The following ZBTB16 variants were observed in gnomAD, a reference collection of about 807,000 sequenced individuals.
ZBTB16 encodes the protein zinc finger and BTB domain containing 16, also known as zinc finger and BTB domain-containing protein 16.
Under a neutral mutation model 56.8 loss-of-function variants are expected in ZBTB16, and 8 were observed. The ratio of observed to expected loss-of-function variants is 0.14; its 90% CI spans 0.08 to 0.25. ZBTB16 has a LOEUF of 0.25. ZBTB16 is among the 10% of genes least tolerant of loss of function. The probability of loss-of-function intolerance (pLI) is 1.00; values close to 1 mark genes in which losing one functional copy is unlikely to be tolerated. For synonymous variants in ZBTB16, 363 were observed against 368.5 expected (o/e 0.98, Z 0.17); for missense variants, 625 against 903.0 (o/e 0.69, Z 3.95).
chr11:114,226,020 C>T (rs1246209797), intron 4 of ZBTB16, among the ~76,000 whole-genome samples: 2 of 152,170 alleles, frequency 1.3e-5, no homozygotes, highest in Non-Finnish European at 2.9e-5. Context: ...AGAATTTGAA[C>T]CCAGGTGTGG....
chr11:114,108,745 G>A (rs1009656696), intron 2 of ZBTB16, among the ~76,000 whole-genome samples: 7 of 152,302 alleles, frequency 4.6e-5, no homozygotes, highest in South Asian at 2.1e-4. Context: ...TGGCATTACC[G>A]ATGAGAAACT....
At chr11:114,135,684 A>G (rs1196217112) in intron 2 of ZBTB16, among the ~76,000 whole-genome samples, 2 of 152,170 alleles carry the variant, frequency 1.3e-5, no homozygotes, top group African/African-American at 4.8e-5. Context: ...CAGAACTATA[A>G]GATACATTTG....
At chr11:114,086,481 G>A (rs570249991) in intron 2 of ZBTB16, among the ~76,000 whole-genome samples, 2 of 152,188 alleles carry the variant, frequency 1.3e-5, no homozygotes, top group African/African-American at 2.4e-5. Flanking sequence ...CCTCGTTTGA[G>A]TTTAAGTTTT....
chr11:114,217,643 C>A (rs1169463752), intron 4 of ZBTB16, among the ~76,000 whole-genome samples: 7 of 152,222 alleles, frequency 4.6e-5, no homozygotes, highest in Admixed American at 3.3e-4. Flanking sequence ...ATTTTGTGCC[C>A]AGAAGAGAAG....
intron 2 of ZBTB16, among the ~76,000 whole-genome samples, chr11:114,125,074 C>G (rs1941468977): frequency 6.6e-6 from 1 of 151,932 alleles, no homozygotes; most frequent in South Asian, 2.1e-4. Context: ...CCTCATCTGC[C>G]TGTTTTCCTT....
intron 2 of ZBTB16, among the ~76,000 whole-genome samples, chr11:114,154,968 C>T (rs1233636800): frequency 6.6e-6 from 1 of 152,208 alleles, no homozygotes; most frequent in Non-Finnish European, 1.5e-5. Context: ...GGTCTTGACA[C>T]ACTGCTGGGT....
chr11:114,129,116 T>C (rs1002950321), intron 2 of ZBTB16, among the ~76,000 whole-genome samples: 3 of 152,198 alleles, frequency 2.0e-5, no homozygotes, highest in South Asian at 2.1e-4. Flanking sequence ...AGGTACAATT[T>C]TGTCTTCAGC....
At chr11:114,207,545 A>AATT (rs1362538092) in intron 4 of ZBTB16, among the ~76,000 whole-genome samples, 1 of 149,588 alleles carries the variant, frequency 6.7e-6, no homozygotes, top group Non-Finnish European at 1.5e-5. Flanking sequence ...ATCTTCCACT[A>AATT]ACCCCCACAC....
chr11:114,148,393 T>C (rs866082041), intron 2 of ZBTB16, among the ~76,000 whole-genome samples: 352 of 27,318 alleles, frequency 0.013, 2 homozygotes, highest in South Asian at 0.026. Context: ...TCCTTCCTCC[T>C]TCCCTCCCTC....
At chr11:114,245,021 G>A (rs1386405730) in intron 5 of ZBTB16, among the ~76,000 whole-genome samples, 1 of 152,228 alleles carries the variant, frequency 6.6e-6, no homozygotes, top group Non-Finnish European at 1.5e-5. Flanking sequence ...TCAGTAAGGA[G>A]GGGGAGTTGG....
rs762423209 is a variant in ZBTB16, at chr11:114,254,500, C to G, written c.*3945C>G. 2.0e-5 allele frequency among the ~76,000 whole-genome samples: 3 copies of G among 152,210 alleles called. No individual in the cohort carries two copies. The highest frequency in any genetic ancestry group is 2.9e-5 in the Non-Finnish European group (2 of 68,036). On this transcript the variant is annotated 3_prime_UTR_variant, in exon 7 of 7. Coordinates refer to ENST00000335953, the MANE Select transcript of ZBTB16 (RefSeq NM_006006.6). ...GATGGAAGAGGGCCATTGAGCTTAC[C>G]TCCCTATAGGGGAGAGAGCAGAGGT...
chr11:114,114,237 A>G (rs1302819304), intron 2 of ZBTB16, among the ~76,000 whole-genome samples: 1 of 152,238 alleles, frequency 6.6e-6, no homozygotes, highest in Admixed American at 6.5e-5. Context: ...ATGTCTGTTG[A>G]AAGACAGAAT....
intron 5 of ZBTB16, among the ~76,000 whole-genome samples, chr11:114,245,725 G>A (rs1270705319): frequency 7.2e-5 from 11 of 152,138 alleles, no homozygotes; most frequent in Admixed American, 7.2e-4. Context: ...GGTCATTGTG[G>A]ATGACTTAAA....
intron 2 of ZBTB16, among the ~76,000 whole-genome samples, chr11:114,139,626 CGTGTGTGTGTGTGTGT>C (rs750514241): frequency 2.2e-5 from 3 of 138,568 alleles, no homozygotes; most frequent in Non-Finnish European, 3.1e-5. Flanking sequence ...CCGCGGTCCA[CGTGTGTGTGTGTGTGT>C]GTGTGTGTGT....
At chr11:114,235,271 CA>C (rs1285340934) in intron 4 of ZBTB16, among the ~76,000 whole-genome samples, 1 of 152,226 alleles carries the variant, frequency 6.6e-6, no homozygotes, top group African/African-American at 2.4e-5. Flanking sequence ...CACATGCACA[CA>C]CAGCAGTCCC....
rs1009184765 is a variant in ZBTB16, at chr11:114,143,915, G to A, written c.1269-12422G>A. Among the ~76,000 whole-genome samples, 18 of 152,290 alleles carry A rather than the reference G, an allele frequency of 1.2e-4. No homozygotes were observed. The highest frequency in any genetic ancestry group is 6.5e-4 in the Admixed American group (10 of 15,286). On this transcript the variant is annotated intron_variant, in intron 2 of 6. Transcript: ENST00000335953. This position sits in a 1 kb window ranked among gnomAD's most constrained non-coding sequence, Gnocchi z 6.4. ...GAGCCGCTGCTTGGCCTCTGTGCTC[G>A]TTGGGCCTCGAGTCACTGGTATTAT...
chr11:114,112,794 C>T (rs1941058297), intron 2 of ZBTB16, among the ~76,000 whole-genome samples: 1 of 147,572 alleles, frequency 6.8e-6, no homozygotes, highest in South Asian at 2.2e-4. Flanking sequence ...CAGGGTCTCG[C>T]ACTATCACCC....
At chr11:114,166,715 T>G (rs925945882) in intron 3 of ZBTB16, among the ~76,000 whole-genome samples, 3 of 152,180 alleles carry the variant, frequency 2.0e-5, no homozygotes, top group African/African-American at 7.2e-5. Context: ...GGTGGTGGTG[T>G]GTTTCTACCT....
chr11:114,237,731 A>G (rs1287054752), intron 4 of ZBTB16, among the ~76,000 whole-genome samples: 1 of 152,268 alleles, frequency 6.6e-6, no homozygotes, highest in Non-Finnish European at 1.5e-5. Flanking sequence ...AAACGCCAGC[A>G]AATTGTTTAA....
Sources: allele counts gnomAD v4.1 joint callset (sites outside exome capture counted in the v4.1 genomes callset), GRCh38; gene constraint gnomAD v4.1.1; non-coding constraint Gnocchi (gnomAD v3.1); transcripts MANE v1.5; gene names NCBI Gene and HGNC (gene_info 2026-07-23, HGNC 2026-07-21).